Variants in PRIMA1 observed in about 807,000 individuals in gnomAD.
PRIMA1 encodes proline rich membrane anchor 1.
A neutral mutation model predicts 17.5 loss-of-function variants in PRIMA1; 7 were observed. The ratio of observed to expected loss-of-function variants is 0.40; its 90% CI spans 0.23 to 0.75. The LOEUF is 0.75. Among genes scored for constraint, PRIMA1 ranks in the 30% least tolerant of loss-of-function variants. The probability of loss-of-function intolerance (pLI) is 0.37; values close to 1 mark genes in which losing one functional copy is unlikely to be tolerated. For missense variants in PRIMA1, 200 were observed against 201.8 expected (o/e 0.99, Z 0.05); for synonymous variants, 97 against 77.9 (o/e 1.25, Z -1.29).
intron 3 of PRIMA1, among the ~76,000 whole-genome samples, chr14:93,767,233 A>G (rs1309592435): frequency 9.2e-6 from 1 of 108,398 alleles, no homozygotes; most frequent in Non-Finnish European, 1.9e-5. Context: ...CCCTGGGCTA[A>G]CTAACTATCT....
At chr14:93,775,955 C>G (rs1330137368) in intron 3 of PRIMA1, among the ~76,000 whole-genome samples, 4 of 152,210 alleles carry the variant, frequency 2.6e-5, no homozygotes, top group African/African-American at 9.6e-5. Flanking sequence ...CATGATTGGT[C>G]CACAGGTGGG....
intron 4 of PRIMA1, among the ~76,000 whole-genome samples, chr14:93,732,153 T>C (rs1329376079): frequency 1.3e-5 from 2 of 152,216 alleles, no homozygotes; most frequent in Non-Finnish European, 2.9e-5. Flanking sequence ...ACGCCACAGA[T>C]GGCCAATGGA....
chr14:93,739,882 A>G (rs2076174086), intron 3 of PRIMA1, among the ~76,000 whole-genome samples: 1 of 152,158 alleles, frequency 6.6e-6, no homozygotes, highest in African/African-American at 2.4e-5. Context: ...CCTGACCAAC[A>G]TAGTGAAACC....
chr14:93,763,068 G>A (rs1884781337), intron 3 of PRIMA1, among the ~76,000 whole-genome samples: 1 of 152,172 alleles, frequency 6.6e-6, no homozygotes, highest in African/African-American at 2.4e-5. Flanking sequence ...CCAGCACACT[G>A]GATAGCTCAC....
intron 4 of PRIMA1, among the ~76,000 whole-genome samples, chr14:93,730,616 C>CCATA (rs1424668407): frequency 6.6e-6 from 1 of 152,160 alleles, no homozygotes; most frequent in African/African-American, 2.4e-5. Context: ...GGCTCAGACT[C>CCATA]CATAGGAAAC....
At chr14:93,732,967 G>A (rs2076124813) in intron 4 of PRIMA1, among the ~76,000 whole-genome samples, 1 of 152,078 alleles carries the variant, frequency 6.6e-6, no homozygotes, top group African/African-American at 2.4e-5. Context: ...TGCCAGGCAC[G>A]GGGGTACCCA....
At chr14:93,740,929 CTGTT>C (rs557003172) in intron 3 of PRIMA1, among the ~76,000 whole-genome samples, 3 of 152,344 alleles carry the variant, frequency 2.0e-5, no homozygotes, top group Admixed American at 2.0e-4. Context: ...TTTACATTCT[CTGTT>C]AGTTAAGTGG....
chr14:93,730,825 T>C (rs895925321), intron 4 of PRIMA1, among the ~76,000 whole-genome samples: 35 of 152,248 alleles, frequency 2.3e-4, no homozygotes, highest in African/African-American at 7.9e-4. Context: ...GGGAAAAATA[T>C]CCATGAAATA....
chr14:93,739,441 T>C (rs890409695), intron 3 of PRIMA1, among the ~76,000 whole-genome samples: 3 of 152,226 alleles, frequency 2.0e-5, no homozygotes, highest in African/African-American at 4.8e-5. Context: ...AGCATTTGTG[T>C]ACAAGTCTTT....
intron 4 of PRIMA1, among the ~76,000 whole-genome samples, chr14:93,734,705 G>A (rs2076138170): frequency 6.6e-6 from 1 of 151,058 alleles, no homozygotes; most frequent in African/African-American, 2.4e-5. Context: ...AAGGATCCCC[G>A]CCCATGCCTC....
chr14:93,756,492 G>C (rs1209820913), intron 3 of PRIMA1, among the ~76,000 whole-genome samples: 1 of 152,188 alleles, frequency 6.6e-6, no homozygotes, highest in African/African-American at 2.4e-5. Context: ...CGTCTTACCC[G>C]AGGGTGGGCA....
intron 2 of PRIMA1, among the ~76,000 whole-genome samples, chr14:93,786,384 T>C (rs1885524071): frequency 6.6e-6 from 1 of 151,978 alleles, no homozygotes; most frequent in African/African-American, 2.4e-5. Flanking sequence ...GAGTAGGGGG[T>C]GCTGAGCAGC....
At position 93,720,999 on chromosome 14, in the gene PRIMA1, T is replaced by C. The variant is rs1330753836; in HGVS notation, c.*445A>G. ...TGGCTTCTGTTGAGAATGTGAACAG[T>C]GGAGCAGGCAGGCTTCCTGGGAGGA... On this transcript the variant is annotated 3_prime_UTR_variant, in exon 5 of 5. Transcript: ENST00000393140. The C allele has an allele frequency of 1.2e-5, 2 of 165,760 alleles. No individual in the cohort carries two copies. Among genetic ancestry groups the C allele is most frequent in the Admixed American group, 6.0e-5 (1 of 16,670 alleles). 10.3% of individuals were successfully genotyped at this position (165,760 alleles called of 1,614,324 possible). A position where few individuals can be genotyped will look rare whatever the true frequency, so the allele number is the denominator to read the frequency against.
At position 93,767,152 on chromosome 14, in the gene PRIMA1, A is replaced by G. The variant is rs565879898; in HGVS notation, c.229+12024T>C. ...AGGCCTTGAAGGGGGTGGGCAGACC[A>G]AGAAGGTGATACTGATCAGAAATAG... is the stretch of plus-strand genomic sequence containing the variant. On this transcript the variant is annotated intron_variant, in intron 3 of 4. Transcript: ENST00000393140. Among the ~76,000 whole-genome samples the G allele has an allele frequency of 3.2e-4, 48 of 152,338 alleles. 1 individual carries two copies. In the Middle Eastern group the frequency reaches 0.01, roughly 32 times the overall value.
intron 3 of PRIMA1, among the ~76,000 whole-genome samples, chr14:93,778,616 C>A (rs1885288132): frequency 6.6e-6 from 1 of 152,328 alleles, no homozygotes; most frequent in African/African-American, 2.4e-5. Context: ...GAGGTCAGGG[C>A]TGAGGCCATT....
intron 3 of PRIMA1, among the ~76,000 whole-genome samples, chr14:93,762,772 A>G (rs554162912): frequency 6.6e-6 from 1 of 151,460 alleles, no homozygotes; most frequent in Non-Finnish European, 1.5e-5. Flanking sequence ...GTCAAGAAAC[A>G]CCCTCTGTGG....
chr14:93,737,173 T>G, intron 4 of PRIMA1, 68 bp downstream of exon 4: 1 of 1,526,808 alleles, frequency 6.5e-7, no homozygotes, highest in Non-Finnish European at 9.0e-7. Context: ...ACGGGATGTG[T>G]GTAGGAGCCC....
At chr14:93,737,823 C>T (rs112501470) in intron 3 of PRIMA1, among the ~76,000 whole-genome samples, 89 of 152,316 alleles carry the variant, frequency 5.8e-4, no homozygotes, top group African/African-American at 2.0e-3. Context: ...AGCGCCACGC[C>T]CCAGGCCATC....
chr14:93,721,480 G>C lies in PRIMA1; in HGVS notation c.426C>G (p.Ser142Arg), dbSNP rs370561739. The change falls in exon 5 of 5, where the codon AGC becomes AGG. Residue 142 changes from serine (S) to arginine (R), a missense_variant. Ser to Arg is a moderately radical substitution (Grantham distance 110). Coordinates refer to ENST00000393140, the MANE Select transcript of PRIMA1 (RefSeq NM_178013.4). ...CGTTGTTCACGTCTACTCCTTTGTT[G>C]CTCTGCGAAGCACTCATGGGATACT... ...VAEYPMSASQ[S>R]NKGVDVNNAV... The C allele has an allele frequency of 2.5e-6, 4 of 1,613,702 alleles. No homozygotes were observed. Among genetic ancestry groups the C allele is most frequent in the Non-Finnish European group, 3.4e-6 (4 of 1,179,800 alleles).
Sources: gnomAD v4.1 joint callset for allele counts (sites outside exome capture counted in the v4.1 genomes callset) on GRCh38, gnomAD v4.1.1 for gene constraint, MANE v1.5 for transcripts, NCBI Gene and HGNC (gene_info 2026-07-23, HGNC 2026-07-21) for gene names.